Variants in CDYL2 observed in about 807,000 individuals in gnomAD.
CDYL2 encodes chromodomain Y-like protein 2.
CDYL2 carries 23 observed loss-of-function variants against 49.4 expected under a neutral mutation model. The observed-to-expected ratio is 0.47, with a 90% CI of 0.34 to 0.66. The LOEUF is 0.66. CDYL2 is among the 30% of genes least tolerant of loss of function. The pLI, the probability that CDYL2 is intolerant of heterozygous loss-of-function variation, is 0.01. For synonymous variants in CDYL2, 360 were observed against 268.8 expected, an observed-to-expected ratio of 1.34 and a Z score of -3.32; for missense variants, 678 against 656.4, an observed-to-expected ratio of 1.03 and a Z score of -0.36.
intron 1 of CDYL2, among the ~76,000 whole-genome samples, chr16:80,778,739 T>G: frequency 6.6e-6 from 1 of 152,102 alleles, no homozygotes; most frequent in Non-Finnish European, 1.5e-5. Flanking sequence ...TGGAAAGAAA[T>G]GGACTTGAAT....
chr16:80,610,628 CAG>C (rs1906551953), intron 5 of CDYL2, among the ~76,000 whole-genome samples: 1 of 152,128 alleles, frequency 6.6e-6, no homozygotes, highest in South Asian at 2.1e-4. Flanking sequence ...AGAACATAAA[CAG>C]AGTTTAGTCA....
intron 5 of CDYL2, among the ~76,000 whole-genome samples, chr16:80,611,617 A>G (rs898267265): frequency 1.3e-5 from 2 of 152,210 alleles, no homozygotes; most frequent in Non-Finnish European, 2.9e-5. Flanking sequence ...TTCGGAGCAC[A>G]GACAGTGGAA....
At chr16:80,774,276 A>G (rs1907006312) in intron 1 of CDYL2, among the ~76,000 whole-genome samples, 1 of 152,142 alleles carries the variant, frequency 6.6e-6, no homozygotes, top group African/African-American at 2.4e-5. Flanking sequence ...ACTGGAGAAC[A>G]TTATGCTAAT....
At chr16:80,641,371 CTAGTA>C (rs2142404605) in intron 2 of CDYL2, among the ~76,000 whole-genome samples, 1 of 152,152 alleles carries the variant, frequency 6.6e-6, no homozygotes, top group Admixed American at 6.6e-5. Context: ...AACTTTTACC[CTAGTA>C]TAGTATATCT....
chr16:80,688,318 G>T (rs1031397334), intron 1 of CDYL2, among the ~76,000 whole-genome samples: 1 of 152,126 alleles, frequency 6.6e-6, no homozygotes, highest in African/African-American at 2.4e-5. Context: ...CCTGGTATGT[G>T]GAGGAAGACA....
At chr16:80,632,891 C>T in intron 3 of CDYL2, 128 bp downstream of exon 3, 2 of 855,914 alleles carry the variant, frequency 2.3e-6, no homozygotes, top group Non-Finnish European at 3.7e-6. Flanking sequence ...GCGCTGCAGT[C>T]AAGTTTTTAT....
In CDYL2 at chr16:80,659,895, CACAG is replaced by C. The variant is rs553217141; in HGVS notation, c.616+24639_616+24642del. On this transcript the variant is annotated intron_variant, in intron 2 of 6. Transcript: ENST00000570137. ...AGCACTCTAAGTACCAAGCAGGACA[CACAG>C]ACAAATAATATTAATGATAAACTGT... Among the ~76,000 whole-genome samples, 8 of 151,820 alleles carry C rather than the reference CACAG, an allele frequency of 5.3e-5. 1 individual carries two copies. In the South Asian group the frequency reaches 1.5e-3, roughly 28 times the overall value.
At chr16:80,606,527 TC>T (rs1175813155) in intron 6 of CDYL2, among the ~76,000 whole-genome samples, 1 of 152,086 alleles carries the variant, frequency 6.6e-6, no homozygotes, top group Non-Finnish European at 1.5e-5. Context: ...CTGCCTACAC[TC>T]CCTGTGGATT....
rs549811608 is a variant in CDYL2, at chr16:80,621,394, C to G, written c.835-459G>C. Among the ~76,000 whole-genome samples, 4 of 152,248 alleles carry G rather than the reference C, an allele frequency of 2.6e-5. No homozygotes were observed. In the East Asian group the frequency reaches 7.7e-4, roughly 29 times the overall value. On this transcript the variant is annotated intron_variant, in intron 3 of 6. Coordinates refer to ENST00000570137, the MANE Select transcript of CDYL2 (RefSeq NM_152342.4). ...CTCATCTTTCCTCCAGCTCATACCCCGCACGGCCTGCAGGTGCCACATGGC... is the reference window on the plus strand; with the variant it reads ...CTCATCTTTCCTCCAGCTCATACCCGGCACGGCCTGCAGGTGCCACATGGC...
chr16:80,611,365 CCCGTG>C (rs551220504), intron 5 of CDYL2, among the ~76,000 whole-genome samples: 30 of 152,136 alleles, frequency 2.0e-4, no homozygotes, highest in Non-Finnish European at 3.8e-4. Context: ...CCAGATGGGA[CCCGTG>C]CTTATGAAAT....
intron 2 of CDYL2, among the ~76,000 whole-genome samples, chr16:80,654,985 T>G (rs555375900): frequency 6.6e-6 from 1 of 152,038 alleles, no homozygotes; most frequent in African/African-American, 2.4e-5. Flanking sequence ...CTGGCTGTGG[T>G]TTCTGCAGCG....
chr16:80,757,466 A>G (rs1479647152), intron 1 of CDYL2, among the ~76,000 whole-genome samples: 2 of 151,308 alleles, frequency 1.3e-5, no homozygotes, highest in African/African-American at 2.4e-5. Context: ...CTTGAGCCCA[A>G]GAGTTCAAGG....
intron 2 of CDYL2, among the ~76,000 whole-genome samples, chr16:80,635,302 G>A (rs1256577704): frequency 6.6e-6 from 1 of 152,160 alleles, no homozygotes; most frequent in Admixed American, 6.5e-5. Flanking sequence ...TGATGTGACT[G>A]TATATTTAGA....
intron 2 of CDYL2, among the ~76,000 whole-genome samples, chr16:80,659,267 T>C (rs547927347): frequency 1.6e-4 from 24 of 152,306 alleles, no homozygotes; most frequent in South Asian, 1.4e-3. Context: ...TTAAAAACAA[T>C]GGCAGACTGA....
chr16:80,605,807 C>A (rs1201972440), intron 6 of CDYL2, among the ~76,000 whole-genome samples: 1 of 152,144 alleles, frequency 6.6e-6, no homozygotes, highest in Non-Finnish European at 1.5e-5. Flanking sequence ...AAGAGAAATA[C>A]TTTTCCTGAA....
intron 2 of CDYL2, among the ~76,000 whole-genome samples, chr16:80,634,907 A>T (rs867453911): frequency 2.6e-5 from 4 of 152,216 alleles, no homozygotes; most frequent in Non-Finnish European, 5.9e-5. Flanking sequence ...TTTTGGAACA[A>T]ATAATACCAA....
At chr16:80,725,826 G>A (rs563511907) in intron 1 of CDYL2, among the ~76,000 whole-genome samples, 1 of 152,294 alleles carries the variant, frequency 6.6e-6, no homozygotes, top group South Asian at 2.1e-4. Flanking sequence ...TCTACGACCC[G>A]GATGAGGGAA....
At chr16:80,609,390 T>A (rs184667812) in intron 5 of CDYL2, among the ~76,000 whole-genome samples, 110 of 152,352 alleles carry the variant, frequency 7.2e-4, no homozygotes, top group African/African-American at 2.6e-3. Context: ...TCCAGAGCTA[T>A]GCGTAAGTTC....
At chr16:80,662,253 A>G (rs1909076998) in intron 2 of CDYL2, among the ~76,000 whole-genome samples, 1 of 152,198 alleles carries the variant, frequency 6.6e-6, no homozygotes, top group African/African-American at 2.4e-5. Flanking sequence ...CGTGAGTGCT[A>G]TGAATTTTCC....
Sources: allele counts gnomAD v4.1 joint callset (sites outside exome capture counted in the v4.1 genomes callset), GRCh38; gene constraint gnomAD v4.1.1; transcripts MANE v1.5; gene names NCBI Gene and HGNC (gene_info 2026-07-23, HGNC 2026-07-21).